Variants in RBM20 observed in about 807,000 individuals in gnomAD.
RBM20 encodes RNA-binding protein 20.
In RBM20, 51 loss-of-function variants were observed where a neutral mutation model predicts 110.1. The ratio of observed to expected loss-of-function variants is 0.46; its 90% confidence interval spans 0.37 to 0.59. RBM20 has a LOEUF of 0.59. Among genes scored for constraint, RBM20 ranks in the 20% least tolerant of loss-of-function variants. The pLI is 0.00. For synonymous variants in RBM20, 589 were observed against 618.2 expected (o/e 0.95, Z 0.70); for missense variants, 1,512 against 1,574.9 (o/e 0.96, Z 0.68).
At chr10:110,656,983 T>TATATCTTGG (rs1398688006) in intron 1 of RBM20, among the ~76,000 whole-genome samples, 1 of 152,068 alleles carries the variant, frequency 6.6e-6, no homozygotes, top group Admixed American at 6.6e-5. Flanking sequence ...CTTTTGGGTA[T>TATATCTTGG]ATATCTTGGA....
chr10:110,764,575 G>A (rs1013198262), intron 1 of RBM20, among the ~76,000 whole-genome samples: 2 of 152,250 alleles, frequency 1.3e-5, no homozygotes, highest in African/African-American at 2.4e-5. Context: ...CCTTCCAGGC[G>A]GGTATGCCGT....
At position 110,658,424 on chromosome 10, in the gene RBM20, G is replaced by A. The variant is rs546588881; in HGVS notation, c.191+13779G>A. Reference sequence around the variant, plus strand: ...GTTAATCCTCCAACAACCCTGTGAAGTAGGTAGGGACTAAGTAACTAGGAG... The same window carrying A: ...GTTAATCCTCCAACAACCCTGTGAAATAGGTAGGGACTAAGTAACTAGGAG... On this transcript the variant is annotated intron_variant, in intron 1 of 13. Transcript: ENST00000369519. Among the ~76,000 whole-genome samples the A allele has an allele frequency of 1.5e-4, 23 of 152,328 alleles. No homozygotes were observed. The South Asian group carries it at 3.3e-3, about 22-fold the overall frequency.
intron 1 of RBM20, among the ~76,000 whole-genome samples, chr10:110,750,814 C>T (rs144238549): frequency 7.8e-4 from 118 of 152,140 alleles, no homozygotes; most frequent in African/African-American, 2.6e-3. Context: ...TTTCAGGAGC[C>T]AAGAAATACA....
intron 1 of RBM20, among the ~76,000 whole-genome samples, chr10:110,648,897 A>G (rs1315510951): frequency 6.6e-6 from 1 of 152,214 alleles, no homozygotes; most frequent in Non-Finnish European, 1.5e-5. Flanking sequence ...AGTATTATGA[A>G]ATGTAGTACA....
At chr10:110,728,603 A>G (rs1843588666) in intron 1 of RBM20, among the ~76,000 whole-genome samples, 1 of 152,022 alleles carries the variant, frequency 6.6e-6, no homozygotes, top group East Asian at 1.9e-4. Context: ...GGTGTCATTC[A>G]TTGTGCCTAC....
intron 1 of RBM20, among the ~76,000 whole-genome samples, chr10:110,678,950 A>T (rs1246348514): frequency 6.6e-6 from 1 of 152,100 alleles, no homozygotes; most frequent in Non-Finnish European, 1.5e-5. Flanking sequence ...CCACACTTGG[A>T]GATAAAGAGG....
At chr10:110,820,223 C>T (rs1466075567) in intron 10 of RBM20, 47 bp downstream of exon 10, 1 of 1,293,294 alleles carries the variant, frequency 7.7e-7, no homozygotes, top group Non-Finnish European at 1.1e-6. Flanking sequence ...GGGACTGAGT[C>T]ACAGGAGTCC....
At position 110,821,640 on chromosome 10, in the gene RBM20, G is replaced by A. The variant is rs1394934743; in HGVS notation, c.3021G>A (p.Glu1007=). The A allele has an allele frequency of 6.4e-7, 1 of 1,551,790 alleles. No individual in the cohort carries two copies. Among genetic ancestry groups the A allele is most frequent in the East Asian group, 2.4e-5 (1 of 40,924 alleles). ...TGCCTGGCCTAAATCTGGATGCTGAGCGGAAGCCAGCTGAAAGTGAGACAG... is the reference window on the plus strand; with the variant it reads ...TGCCTGGCCTAAATCTGGATGCTGAACGGAAGCCAGCTGAAAGTGAGACAG... ...VEMPGLNLDA[E]RKPAESETGL... Residue 1007 remains glutamate (E), a synonymous_variant, in exon 11 of 14, where the codon GAG becomes GAA. Transcript: ENST00000369519.
At chr10:110,802,956 A>G (rs895333663) in intron 7 of RBM20, among the ~76,000 whole-genome samples, 2 of 152,240 alleles carry the variant, frequency 1.3e-5, no homozygotes, top group African/African-American at 2.4e-5. Flanking sequence ...GGAAAGGACT[A>G]TACTTTGAGT....
chr10:110,764,014 C>T (rs1844044540), intron 1 of RBM20, among the ~76,000 whole-genome samples: 1 of 152,110 alleles, frequency 6.6e-6, no homozygotes, highest in Non-Finnish European at 1.5e-5. Flanking sequence ...AAAATCATCC[C>T]CAGCCACTGC....
intron 1 of RBM20, among the ~76,000 whole-genome samples, chr10:110,759,252 A>T (rs1246067610): frequency 6.6e-6 from 1 of 152,162 alleles, no homozygotes; most frequent in East Asian, 1.9e-4. Flanking sequence ...GGCTCCTTCA[A>T]GGTGTCTCTT....
intron 7 of RBM20, 144 bp downstream of exon 7, chr10:110,800,062 G>A (rs547555509): frequency 1.7e-5 from 13 of 779,158 alleles, no homozygotes; most frequent in East Asian, 1.4e-4. Flanking sequence ...GGATCTCGAG[G>A]CAAACCATTG....
intron 1 of RBM20, among the ~76,000 whole-genome samples, chr10:110,661,486 T>C (rs963770928): frequency 6.6e-6 from 1 of 152,198 alleles, no homozygotes; most frequent in African/African-American, 2.4e-5. Context: ...CAACCGTGTG[T>C]CCAGCAATAG....
chr10:110,648,970 A>G (rs1318663377), intron 1 of RBM20, among the ~76,000 whole-genome samples: 1 of 152,196 alleles, frequency 6.6e-6, no homozygotes, highest in African/African-American at 2.4e-5. Flanking sequence ...TTCTAATGCC[A>G]GTGCTGTAGG....
chr10:110,821,057 A>G (rs1220693648), intron 10 of RBM20, among the ~76,000 whole-genome samples: 1 of 152,224 alleles, frequency 6.6e-6, no homozygotes, highest in East Asian at 1.9e-4. Flanking sequence ...CACTTTAAAT[A>G]TGGTGGATTA....
intron 1 of RBM20, among the ~76,000 whole-genome samples, chr10:110,685,102 C>G (rs753476950): frequency 2.6e-5 from 4 of 152,204 alleles, no homozygotes; most frequent in African/African-American, 9.7e-5. Flanking sequence ...GCCGTAGGGG[C>G]CTTTGCTGTC....
At chr10:110,733,471 G>A (rs1781865611) in intron 1 of RBM20, among the ~76,000 whole-genome samples, 1 of 152,232 alleles carries the variant, frequency 6.6e-6, no homozygotes, top group Non-Finnish European at 1.5e-5. Flanking sequence ...CACTGCCTCT[G>A]GATAAATGAT....
At chr10:110,647,027 A>G (rs868123051) in intron 1 of RBM20, among the ~76,000 whole-genome samples, 1 of 152,226 alleles carries the variant, frequency 6.6e-6, no homozygotes, top group Non-Finnish European at 1.5e-5. Flanking sequence ...TGGCGACATC[A>G]ATCTTCTTCA....
At chr10:110,823,423 T>C in intron 11 of RBM20, 57 bp from the exon 12 acceptor site, 1 of 1,471,446 alleles carries the variant, frequency 6.8e-7, no homozygotes, top group South Asian at 1.3e-5. Flanking sequence ...TTGAGGCATG[T>C]TGTATTTCTT....
Sources: gnomAD v4.1 joint callset for allele counts (sites outside exome capture counted in the v4.1 genomes callset) on GRCh38, gnomAD v4.1.1 for gene constraint, MANE v1.5 for transcripts, NCBI Gene and HGNC (gene_info 2026-07-23, HGNC 2026-07-21) for gene names.